Variants in TRIM37 observed in about 807,000 individuals in gnomAD.
TRIM37 encodes the protein E3 ubiquitin-protein ligase TRIM37.
In TRIM37, 80 loss-of-function variants were observed where a neutral mutation model predicts 129.8. The ratio of observed to expected loss-of-function variants is 0.62; its 90% CI spans 0.51 to 0.74. The LOEUF is 0.74. TRIM37 is among the 30% of genes least tolerant of loss of function. The pLI is 0.00. For synonymous variants in TRIM37, 389 were observed against 387.1 expected (o/e 1.00, Z -0.06); for missense variants, 1,054 against 1,176.5 (o/e 0.90, Z 1.52).
the TRIM37 span, among the ~76,000 whole-genome samples, chr17:58,975,095 C>G: frequency 6.6e-6 from 1 of 152,112 alleles, no homozygotes; most frequent in East Asian, 1.9e-4. Flanking sequence ...CAAATGCTAC[C>G]CTTGACTGAA....
Position 59,070,869 on chromosome 17 carries a change from G to A in TRIM37, c.763C>T (p.Pro255Ser). The change falls in exon 9 of 24, where the codon CCC becomes TCC. Residue 255 changes from proline to serine, a missense_variant. Transcript: ENST00000262294. ...LMMFQQVHRK[P>S]MASFVTTPVP... Reference sequence around the variant, plus strand: ...GGAGTGGTAACAAAAGATGCCATGGGCTTCCGATGAACTTGCTGAAACATC... The same window carrying A: ...GGAGTGGTAACAAAAGATGCCATGGACTTCCGATGAACTTGCTGAAACATC... 3 of 1,613,980 alleles carry A rather than the reference G, an allele frequency of 1.9e-6. No individual in the cohort carries two copies. The highest frequency in any genetic ancestry group is 2.5e-6 in the Non-Finnish European group (3 of 1,179,952).
chr17:59,018,788 C>T (rs1448772787), intron 19 of TRIM37, among the ~76,000 whole-genome samples: 1 of 151,430 alleles, frequency 6.6e-6, no homozygotes, highest in Non-Finnish European at 1.5e-5. Context: ...AAGAGACCCA[C>T]AATACCCAAA....
intron 8 of TRIM37, 68 bp downstream of exon 8, chr17:59,075,579 A>AC: frequency 1.9e-6 from 2 of 1,059,872 alleles, no homozygotes; most frequent in African/African-American, 1.6e-5. Flanking sequence ...AAAAAAAAAA[A>AC]AAAAACAACT....
the TRIM37 span, among the ~76,000 whole-genome samples, chr17:58,970,493 C>A: frequency 3.3e-5 from 5 of 152,110 alleles, no homozygotes; most frequent in Admixed American, 6.5e-5. Flanking sequence ...AAATAAGACT[C>A]CTGCCCTGTG....
At chr17:58,970,293 TAA>T in the TRIM37 span, among the ~76,000 whole-genome samples, 24 of 152,214 alleles carry the variant, frequency 1.6e-4, no homozygotes, top group African/African-American at 5.5e-4. Context: ...TAATCAGACC[TAA>T]GTTTTTTTTA....
chr17:58,990,773 A>G (rs1351792253), intron 24 of TRIM37, among the ~76,000 whole-genome samples: 1 of 145,838 alleles, frequency 6.9e-6, no homozygotes, highest in Non-Finnish European at 1.5e-5. Flanking sequence ...CCTGGGCAAC[A>G]GAGTGAAACT....
At chr17:59,025,891 T>G (rs2037197945) in intron 19 of TRIM37, among the ~76,000 whole-genome samples, 1 of 152,218 alleles carries the variant, frequency 6.6e-6, no homozygotes, top group Admixed American at 6.5e-5. Context: ...GCCGAATATC[T>G]TTTCATATTT....
Position 59,088,356 on chromosome 17 carries a change from T to A in TRIM37, c.216A>T (p.Val72=), listed in dbSNP as rs758433238. ...GTTGAAGAGTATCAAGCTGTTGTGT[T>A]ACTTCTTCTGCCCAACGACAATTTA... The part of the protein sequence containing the change: ...ELVNCRWAEE[V]TQQLDTLQLC... Residue 72 remains valine, a synonymous_variant, in exon 4 of 24, where the codon GTA becomes GTT. Transcript: ENST00000262294. 1.2e-6 allele frequency: 2 copies of A among 1,613,858 alleles called. No homozygotes were observed. The highest frequency in any genetic ancestry group is 2.2e-5 in the South Asian group (2 of 91,070).
intron 16 of TRIM37, among the ~76,000 whole-genome samples, chr17:59,042,472 A>ATC (rs2039356803): frequency 8.0e-6 from 1 of 125,366 alleles, no homozygotes; most frequent in Non-Finnish European, 1.7e-5. Flanking sequence ...ATATATATAT[A>ATC]TATCTCAAGG....
chr17:59,010,962 A>G (rs972922084), intron 22 of TRIM37, among the ~76,000 whole-genome samples: 1 of 151,970 alleles, frequency 6.6e-6, no homozygotes, highest in African/African-American at 2.4e-5. Flanking sequence ...CGAGGTCAGG[A>G]GTTCAAGACC....
At chr17:59,081,964 AAAT>A (rs1371563147) in intron 5 of TRIM37, among the ~76,000 whole-genome samples, 10 of 87,182 alleles carry the variant, frequency 1.1e-4, no homozygotes, top group African/African-American at 2.5e-4. Flanking sequence ...AAAAAAAAAA[AAAT>A]AATAATAATA....
chr17:59,016,085 T>C (rs916457086), intron 20 of TRIM37, among the ~76,000 whole-genome samples: 24 of 152,122 alleles, frequency 1.6e-4, no homozygotes, highest in African/African-American at 5.8e-4. Flanking sequence ...TATATCATTT[T>C]AAAACTACAT....
intron 4 of TRIM37, among the ~76,000 whole-genome samples, chr17:59,084,973 T>C (rs191623141): frequency 1.3e-4 from 20 of 152,278 alleles, no homozygotes; most frequent in African/African-American, 1.9e-4. Context: ...GTTAGCAGTA[T>C]TGTTATGAAA....
At chr17:59,065,215 A>G (rs1231822069) in intron 9 of TRIM37, among the ~76,000 whole-genome samples, 2 of 152,212 alleles carry the variant, frequency 1.3e-5, no homozygotes, top group Non-Finnish European at 2.9e-5. Context: ...GTGAATCTGA[A>G]TTATGAAACA....
At chr17:59,094,103 C>T (rs2147379174) in intron 2 of TRIM37, among the ~76,000 whole-genome samples, 1 of 152,220 alleles carries the variant, frequency 6.6e-6, no homozygotes, top group East Asian at 1.9e-4. Flanking sequence ...CCACGTTGGC[C>T]AGGCTAGTCT....
In TRIM37 at chr17:59,099,873, G is replaced by C. The variant is rs368814305; in HGVS notation, c.123+4420C>G. ...GGCTGGAGTGCAATGGTGCGATCTC[G>C]GCTCACCACAACCTCCGCCTTCTGG... is the stretch of plus-strand genomic sequence containing the variant. On this transcript the variant is annotated intron_variant, in intron 2 of 23. Coordinates refer to ENST00000262294, the MANE Select transcript of TRIM37 (RefSeq NM_015294.6). Among the ~76,000 whole-genome samples the C allele has an allele frequency of 7.1e-4, 108 of 152,072 alleles. No individual in the cohort carries two copies. In the South Asian group the frequency reaches 0.021, roughly 30 times the overall value.
At chr17:58,992,279 ATTTATATTTATATATATT>A in intron 24 of TRIM37, among the ~76,000 whole-genome samples, 1 of 142,150 alleles carries the variant, frequency 7.0e-6, no homozygotes, top group East Asian at 2.0e-4. Flanking sequence ...ATATATATAT[ATTTATATTTATATATATT>A]TATATATATA....
chr17:59,012,215 C>CCACCAGCAGCAGCAGCAG (rs1555639578), intron 22 of TRIM37, 113 bp downstream of exon 22: 2 of 567,196 alleles, frequency 3.5e-6, no homozygotes, highest in Non-Finnish European at 6.4e-6. Context: ...ATCACTACCA[C>CCACCAGCAGCAGCAGCAG]CAGCAGCAGC....
intron 4 of TRIM37, 195 bp downstream of exon 4, chr17:59,088,096 T>C (rs1372975013): frequency 1.6e-6 from 1 of 614,992 alleles, no homozygotes; most frequent in Non-Finnish European, 2.9e-6. Context: ...ATACATGGCA[T>C]GAAATAACTG....
Sources: gnomAD v4.1 joint callset for allele counts (sites outside exome capture counted in the v4.1 genomes callset) on GRCh38, gnomAD v4.1.1 for gene constraint, MANE v1.5 for transcripts, NCBI Gene and HGNC (gene_info 2026-07-23, HGNC 2026-07-21) for gene names.